Variants in PTK2B observed in about 807,000 individuals in gnomAD.
PTK2B encodes protein-tyrosine kinase 2-beta.
Under a neutral mutation model 142.9 loss-of-function variants are expected in PTK2B, and 71 were observed. That is an observed-to-expected ratio of 0.50 (90% confidence interval 0.41 to 0.61). The LOEUF (loss-of-function observed/expected upper bound fraction) is 0.61, where lower values mean the gene tolerates loss of function less well. PTK2B is among the 20% of genes least tolerant of loss of function. PTK2B has a pLI of 0.00. For synonymous variants in PTK2B, 519 were observed against 503.4 expected (o/e 1.03, Z -0.42); for missense variants, 1,105 against 1,320.4 (o/e 0.84, Z 2.53).
intron 22 of PTK2B, among the ~76,000 whole-genome samples, chr8:27,443,389 G>T (rs147765380): frequency 0.014 from 2,058 of 152,310 alleles, 20 homozygotes; most frequent in Non-Finnish European, 0.02. Flanking sequence ...AGGTGGGTGG[G>T]TCTGAGAGGC....
intron 1 of PTK2B, among the ~76,000 whole-genome samples, chr8:27,362,079 T>C (rs776344464): frequency 2.0e-5 from 3 of 152,162 alleles, no homozygotes; most frequent in Non-Finnish European, 4.4e-5. Context: ...ATCTTCCTTT[T>C]ATGGACACAA....
rs751633425 is a variant in PTK2B at position 27,439,397 on chromosome 8, C to T, written c.1833C>T (p.Phe611=). ...RFTTASDVWM[F]AVCMWEILSF... ...CGACAGCCAGTGACGTCTGGATGTT[C>T]GGTGAGTGCTGATTTGGGAGGGCAT... is the stretch of plus-strand genomic sequence containing the variant. Residue 611 remains phenylalanine (F), a splice_region_variant and synonymous_variant, in exon 20 of 31, where the codon TTC becomes TTT. Coordinates refer to ENST00000346049, the MANE Select transcript of PTK2B (RefSeq NM_173176.3). 27 of 1,611,752 alleles carry T rather than the reference C, an allele frequency of 1.7e-5. No homozygotes were observed. The highest frequency in any genetic ancestry group is 4.4e-5 in the South Asian group (4 of 91,018).
At chr8:27,313,064 G>C (rs1803016869) in intron 2 of PTK2B, 1 of 152,230 alleles carries the variant, frequency 6.6e-6, no homozygotes, top group Non-Finnish European at 1.5e-5. Context: ...CGTGTCAAGG[G>C]AGAGACCAGG....
intron 20 of PTK2B, 70 bp downstream of exon 20, chr8:27,439,468 G>A: frequency 6.7e-7 from 1 of 1,494,410 alleles, no homozygotes. Flanking sequence ...TAAGGGGGTG[G>A]GTGCAGGGAG....
At chr8:27,406,118 G>A (rs923280345) in intron 2 of PTK2B, among the ~76,000 whole-genome samples, 3 of 152,156 alleles carry the variant, frequency 2.0e-5, no homozygotes, top group African/African-American at 7.2e-5. Flanking sequence ...CTAGGCATTC[G>A]CAGCTTATGG....
intron 2 of PTK2B, among the ~76,000 whole-genome samples, chr8:27,414,129 T>C (rs1809234824): frequency 1.3e-5 from 2 of 152,230 alleles, no homozygotes; most frequent in Admixed American, 6.5e-5. Context: ...CTTGTACTTT[T>C]CCCCCTAGCC....
chr8:27,423,127 T>C (rs550193436), intron 5 of PTK2B, among the ~76,000 whole-genome samples: 1 of 152,270 alleles, frequency 6.6e-6, no homozygotes, highest in South Asian at 2.1e-4. Context: ...ATTGAGACAA[T>C]GGCAGTCCAA....
chr8:27,432,837 C>CT (rs1179977776), intron 10 of PTK2B, among the ~76,000 whole-genome samples: 3 of 151,788 alleles, frequency 2.0e-5, no homozygotes, highest in Admixed American at 2.0e-4. Flanking sequence ...TTCTTTCTTT[C>CT]TTTTTTTTAG....
At chr8:27,441,153 T>C (rs960095137) in intron 21 of PTK2B, among the ~76,000 whole-genome samples, 3 of 152,174 alleles carry the variant, frequency 2.0e-5, no homozygotes, top group Non-Finnish European at 4.4e-5. Flanking sequence ...CCAAAACTGC[T>C]AACTCTCTTA....
intron 1 of PTK2B, among the ~76,000 whole-genome samples, chr8:27,337,199 G>C (rs555466228): frequency 7.9e-5 from 12 of 151,804 alleles, no homozygotes; most frequent in Non-Finnish European, 1.8e-4. Flanking sequence ...TGAATGGCAT[G>C]GTATCAGCTC....
chr8:27,433,585 C>T, intron 11 of PTK2B, 33 bp downstream of exon 11: 1 of 1,572,028 alleles, frequency 6.4e-7, no homozygotes, highest in Non-Finnish European at 8.7e-7. Context: ...GTGGCTGGAC[C>T]ACGGGTGGCA....
chr8:27,401,930 GTGA>G (rs764455270), intron 2 of PTK2B, among the ~76,000 whole-genome samples: 2 of 152,174 alleles, frequency 1.3e-5, no homozygotes, highest in Admixed American at 6.6e-5. Flanking sequence ...GGTGATGGTA[GTGA>G]TGATGATGGC....
intron 24 of PTK2B, among the ~76,000 whole-genome samples, chr8:27,446,133 C>T (rs1385725738): frequency 1.3e-5 from 2 of 152,222 alleles, no homozygotes; most frequent in African/African-American, 4.8e-5. Context: ...CTGGAGGACA[C>T]CAGCTGGACC....
At chr8:27,361,479 C>T (rs1331679085) in intron 1 of PTK2B, among the ~76,000 whole-genome samples, 1 of 152,162 alleles carries the variant, frequency 6.6e-6, no homozygotes, top group Non-Finnish European at 1.5e-5. Flanking sequence ...CCACTTTAGC[C>T]TCCCAAAGTG....
In PTK2B at chr8:27,337,428, G is replaced by A. The variant is rs980407832; in HGVS notation, c.-38+11747G>A. ...TGAGATTACAGGCGTGAGCTACTGCGCCTGGCCCTCCATCACTGCTATCTA... is the reference window on the plus strand; with the variant it reads ...TGAGATTACAGGCGTGAGCTACTGCACCTGGCCCTCCATCACTGCTATCTA... On this transcript the variant is annotated intron_variant, in intron 1 of 30. Coordinates refer to ENST00000346049, the MANE Select transcript of PTK2B (RefSeq NM_173176.3). Among the ~76,000 whole-genome samples the A allele has an allele frequency of 7.2e-5, 11 of 152,126 alleles. No homozygotes were observed. In the South Asian group the frequency reaches 8.3e-4, roughly 11 times the overall value.
chr8:27,344,704 C>A lies in PTK2B; in HGVS notation c.-38+19023C>A, dbSNP rs188371187. ...TGGGGCTATCTTGGTCTGTCTACACCAGGTGTAAACTCACTTCCTTGTGCT... is the reference window on the plus strand; with the variant it reads ...TGGGGCTATCTTGGTCTGTCTACACAAGGTGTAAACTCACTTCCTTGTGCT... On this transcript the variant is annotated intron_variant, in intron 1 of 30. Coordinates refer to ENST00000346049, the MANE Select transcript of PTK2B (RefSeq NM_173176.3). Among the ~76,000 whole-genome samples the A allele has an allele frequency of 7.2e-4, 109 of 152,232 alleles. 1 individual carries two copies. The highest frequency in any genetic ancestry group is 1.4e-3 in the Admixed American group (21 of 15,286).
At chr8:27,382,731 A>G (rs544950230) in intron 1 of PTK2B, among the ~76,000 whole-genome samples, 2 of 152,314 alleles carry the variant, frequency 1.3e-5, no homozygotes, top group South Asian at 4.1e-4. Flanking sequence ...GATTTCATGT[A>G]TAGTGAGAGA....
intron 26 of PTK2B, 131 bp downstream of exon 26, chr8:27,451,209 G>C (rs1811790261): frequency 8.6e-7 from 1 of 1,164,420 alleles, no homozygotes. Flanking sequence ...TTCCATGTTG[G>C]GAGGGTGTCT....
chr8:27,389,115 GT>G (rs1327648019), intron 1 of PTK2B, among the ~76,000 whole-genome samples: 4 of 152,138 alleles, frequency 2.6e-5, no homozygotes, highest in Non-Finnish European at 5.9e-5. Context: ...GGCTGTGGCT[GT>G]TTTTGTGTGT....
Sources: gnomAD v4.1 joint callset for allele counts (sites outside exome capture counted in the v4.1 genomes callset) on GRCh38, gnomAD v4.1.1 for gene constraint, MANE v1.5 for transcripts, NCBI Gene and HGNC (gene_info 2026-07-23, HGNC 2026-07-21) for gene names.